The following VPS13B variants were observed in gnomAD, a reference collection of about 807,000 sequenced individuals.
VPS13B encodes the protein intermembrane lipid transfer protein VPS13B.
A neutral mutation model predicts 426.4 loss-of-function variants in VPS13B; 285 were observed. The observed-to-expected ratio is 0.67, with a 90% CI of 0.61 to 0.74. VPS13B has a LOEUF of 0.74. Among genes scored for constraint, VPS13B ranks in the 30% least tolerant of loss-of-function variants. The pLI is 0.00. For missense variants in VPS13B, 4,537 were observed against 4,782.6 expected (o/e 0.95, Z 1.51); for synonymous variants, 1,676 against 1,676.4 (o/e 1.00, Z 0.01).
At chr8:99,583,117 C>A (rs893425968) in intron 33 of VPS13B, among the ~76,000 whole-genome samples, 1 of 152,172 alleles carries the variant, frequency 6.6e-6, no homozygotes, top group Non-Finnish European at 1.5e-5. Flanking sequence ...CTTTTCCCCC[C>A]AGAGCCATTT....
At chr8:99,634,184 T>C (rs1445222396) in intron 33 of VPS13B, among the ~76,000 whole-genome samples, 2 of 152,008 alleles carry the variant, frequency 1.3e-5, no homozygotes, top group East Asian at 1.9e-4. Flanking sequence ...GTTTTGAACT[T>C]ACCTATGTGC....
At chr8:99,535,653 T>G (rs1823168020) in intron 30 of VPS13B, among the ~76,000 whole-genome samples, 1 of 152,196 alleles carries the variant, frequency 6.6e-6, no homozygotes, top group South Asian at 2.1e-4. Context: ...GGAAAGTATA[T>G]TTATCATTTG....
intron 15 of VPS13B, among the ~76,000 whole-genome samples, chr8:99,160,495 C>CA (rs1811588264): frequency 1.3e-5 from 2 of 151,284 alleles, no homozygotes; most frequent in African/African-American, 4.9e-5. Flanking sequence ...CTCATCTCTA[C>CA]AAAAAATACA....
intron 16 of VPS13B, among the ~76,000 whole-genome samples, chr8:99,188,659 T>C (rs570715819): frequency 2.2e-4 from 34 of 152,348 alleles, no homozygotes; most frequent in African/African-American, 7.7e-4. Flanking sequence ...CCAAATTGTG[T>C]TTTACATAGT....
chr8:99,188,596 A>T (rs1813359130), intron 16 of VPS13B, among the ~76,000 whole-genome samples: 1 of 152,196 alleles, frequency 6.6e-6, no homozygotes, highest in Admixed American at 6.5e-5. Context: ...TATACCTATG[A>T]ATATAATTGC....
At chr8:99,665,960 G>A (rs925091706) in intron 35 of VPS13B, among the ~76,000 whole-genome samples, 1 of 152,242 alleles carries the variant, frequency 6.6e-6, no homozygotes, top group African/African-American at 2.4e-5. Flanking sequence ...AGCATGGAAT[G>A]TTCTTCCATT....
rs377033334 is a variant in VPS13B, at chr8:99,786,061, T to A, written c.7941+1585T>A. Among the ~76,000 whole-genome samples the A allele has an allele frequency of 3.3e-5, 5 of 152,256 alleles. No individual in the cohort carries two copies. The South Asian group carries it at 1.0e-3, about 32-fold the overall frequency. On this transcript the variant is annotated intron_variant, in intron 43 of 61. Transcript: ENST00000357162. Reference sequence around the variant, plus strand: ...TCCCTCAGAGACCCTCAGGATTCTCTGGACACTGGAGCCAGGATGGGAAGG... The same window carrying A: ...TCCCTCAGAGACCCTCAGGATTCTCAGGACACTGGAGCCAGGATGGGAAGG...
intron 17 of VPS13B, among the ~76,000 whole-genome samples, chr8:99,246,474 G>T (rs903868213): frequency 1.4e-4 from 21 of 152,296 alleles, no homozygotes; most frequent in Admixed American, 3.3e-4. Context: ...TGGCTGTTTT[G>T]TGCTACAACA....
intron 21 of VPS13B, among the ~76,000 whole-genome samples, chr8:99,416,268 C>A (rs962541187): frequency 6.6e-6 from 1 of 152,134 alleles, no homozygotes; most frequent in African/African-American, 2.4e-5. Flanking sequence ...CCCCGCCCCC[C>A]CACCAAGCTC....
At chr8:99,487,149 A>T (rs1820355603) in intron 25 of VPS13B, among the ~76,000 whole-genome samples, 1 of 151,868 alleles carries the variant, frequency 6.6e-6, no homozygotes, top group South Asian at 2.1e-4. Flanking sequence ...ATCCATTCAT[A>T]TTGTTCACAT....
intron 36 of VPS13B, 120 bp from the exon 37 acceptor site, chr8:99,717,051 A>T (rs898226052): frequency 9.7e-7 from 1 of 1,026,856 alleles, no homozygotes; most frequent in African/African-American, 1.6e-5. Context: ...TGGACTGCCA[A>T]CCAAGCAAGA....
chr8:99,511,581 T>G, intron 29 of VPS13B, 69 bp downstream of exon 29: 1 of 1,512,018 alleles, frequency 6.6e-7, no homozygotes, highest in Admixed American at 2.2e-5. Flanking sequence ...TTTTCTGGGT[T>G]TTTTTGTTTC....
Position 99,823,984 on chromosome 8 carries a change from C to T in VPS13B, c.9330+6C>T. The T allele has an allele frequency of 6.2e-7, 1 of 1,611,008 alleles. No individual in the cohort carries two copies. Among genetic ancestry groups the T allele is most frequent in the Non-Finnish European group, 8.5e-7 (1 of 1,179,528 alleles). On this transcript the variant is annotated splice_donor_region_variant and intron_variant, in intron 51 of 61. Transcript: ENST00000357162. ...ATCCCCATTCTGGAAAGGAGGTAAG[C>T]AAATCATAACGATTCTTTTGTCTAA...
intron 23 of VPS13B, among the ~76,000 whole-genome samples, chr8:99,457,744 C>CA (rs2133479555): frequency 6.6e-6 from 1 of 152,098 alleles, no homozygotes; most frequent in African/African-American, 2.4e-5. Context: ...GTCTTTTTAA[C>CA]CACTACTGAA....
chr8:99,153,816 C>A (rs117723992), intron 14 of VPS13B, among the ~76,000 whole-genome samples: 2 of 150,914 alleles, frequency 1.3e-5, no homozygotes, highest in East Asian at 1.9e-4. Context: ...AAATTCTGAC[C>A]TTTATCATTT....
chr8:99,820,166 A>G (rs749520441), intron 49 of VPS13B, 44 bp downstream of exon 49: 2 of 1,574,530 alleles, frequency 1.3e-6, no homozygotes, highest in South Asian at 2.2e-5. Flanking sequence ...ATCTCTCAAC[A>G]AGTAGATTTT....
At chr8:99,411,144 C>T (rs988406077) in intron 21 of VPS13B, among the ~76,000 whole-genome samples, 4 of 152,212 alleles carry the variant, frequency 2.6e-5, no homozygotes, top group Non-Finnish European at 5.9e-5. Context: ...GCCACACTGT[C>T]TTCCACAACG....
chr8:99,256,959 T>C (rs1817775202), intron 17 of VPS13B, among the ~76,000 whole-genome samples: 1 of 152,174 alleles, frequency 6.6e-6, no homozygotes, highest in African/African-American at 2.4e-5. Context: ...GAGCCTGAAT[T>C]GGTCTTATTT....
chr8:99,549,764 C>T (rs1017286825), intron 30 of VPS13B, among the ~76,000 whole-genome samples: 1 of 152,110 alleles, frequency 6.6e-6, no homozygotes, highest in Admixed American at 6.6e-5. Flanking sequence ...CTGCCTCTCT[C>T]CAGGCCCGCT....
Sources: gnomAD v4.1 joint callset for allele counts (sites outside exome capture counted in the v4.1 genomes callset) on GRCh38, gnomAD v4.1.1 for gene constraint, MANE v1.5 for transcripts, NCBI Gene and HGNC (gene_info 2026-07-23, HGNC 2026-07-21) for gene names.